Variants in KIF25 observed in about 807,000 individuals in gnomAD.
KIF25 encodes kinesin family member 25, also known as kinesin-like protein KIF25.
A neutral mutation model predicts 32.9 loss-of-function variants in KIF25; 19 were observed. The ratio of observed to expected loss-of-function variants is 0.58; its 90% CI spans 0.40 to 0.85. The LOEUF (loss-of-function observed/expected upper bound fraction) is 0.85. Ranked by LOEUF, KIF25 falls within the 40% of genes least tolerant of loss-of-function variation. The probability of loss-of-function intolerance (pLI) is 0.00; values close to 1 mark genes in which losing one functional copy is unlikely to be tolerated. For missense variants in KIF25, 485 were observed against 507.0 expected, an observed-to-expected ratio of 0.96 and a Z score of 0.42; for synonymous variants, 225 against 213.7, an observed-to-expected ratio of 1.05 and a Z score of -0.46.
At chr6:168,003,246 G>A (rs547114487) in intron 3 of KIF25, among the ~76,000 whole-genome samples, 5 of 152,210 alleles carry the variant, frequency 3.3e-5, no homozygotes, top group South Asian at 4.1e-4. Context: ...AAGAACAGGG[G>A]TATTGGAGTA....
intron 4 of KIF25, among the ~76,000 whole-genome samples, chr6:168,012,103 A>T (rs183979160): frequency 1.3e-5 from 2 of 152,020 alleles, no homozygotes; most frequent in East Asian, 3.9e-4. Context: ...TTCTATGTTC[A>T]TTGAATTGTC....
intron 4 of KIF25, among the ~76,000 whole-genome samples, chr6:168,009,816 A>G (rs1255241410): frequency 6.6e-6 from 1 of 152,058 alleles, no homozygotes; most frequent in Non-Finnish European, 1.5e-5. Context: ...ATATGTATCC[A>G]GGAATTTATC....
chr6:168,030,409 C>CCTCT (rs139317809), intron 6 of KIF25: 18,021 of 155,016 alleles, frequency 0.12, 1,517 homozygotes, highest in East Asian at 0.22. Flanking sequence ...TCCCTCTGTC[C>CCTCT]CTCTCTCTCT....
chr6:168,004,804 C>T (rs1798555830), intron 4 of KIF25, among the ~76,000 whole-genome samples: 1 of 152,154 alleles, frequency 6.6e-6, no homozygotes. Flanking sequence ...CGCAGCTTCC[C>T]TGAAGTTGGG....
At chr6:168,007,166 T>C (rs1798590618) in intron 4 of KIF25, among the ~76,000 whole-genome samples, 1 of 152,286 alleles carries the variant, frequency 6.6e-6, no homozygotes, top group South Asian at 2.1e-4. Flanking sequence ...ATCCTAGCAC[T>C]TTGGGAGGCC....
At chr6:168,005,122 G>A (rs1391264495) in intron 4 of KIF25, among the ~76,000 whole-genome samples, 1 of 152,072 alleles carries the variant, frequency 6.6e-6, no homozygotes, top group African/African-American at 2.4e-5. Flanking sequence ...TGGCGTGCAC[G>A]AGCCGACTGT....
At position 167,998,850 on chromosome 6, in the gene KIF25, G is replaced by C. The variant is rs966169206; in HGVS notation, c.-619G>C. ...GCGCATTACCTGAGGTCAGGAGTTC[G>C]AGACCAGCTTGGCCAACATGGTAAA... On this transcript the variant is annotated 5_prime_UTR_variant, in exon 1 of 13. Transcript: ENST00000643607. 6.6e-6 allele frequency: 1 copy of C among 152,160 alleles called. No individual in the cohort carries two copies. The highest frequency in any genetic ancestry group is 1.5e-5 in the Non-Finnish European group (1 of 68,034). 9.4% of individuals were successfully genotyped at this position (152,160 alleles called of 1,614,324 possible).
chr6:168,005,411 C>T (rs1488550678), intron 4 of KIF25, among the ~76,000 whole-genome samples: 1 of 152,112 alleles, frequency 6.6e-6, no homozygotes, highest in African/African-American at 2.4e-5. Context: ...TGGGCAGAGG[C>T]CACTGTGGAC....
At chr6:168,024,167 A>G (rs377748384) in intron 5 of KIF25, among the ~76,000 whole-genome samples, 48 of 152,378 alleles carry the variant, frequency 3.2e-4, no homozygotes, top group Admixed American at 9.8e-4. Context: ...ATGTCTGTGC[A>G]CTAAAAACAG....
chr6:168,035,267 G>A (rs1215795088), intron 8 of KIF25, among the ~76,000 whole-genome samples: 1 of 151,462 alleles, frequency 6.6e-6, no homozygotes, highest in Non-Finnish European at 1.5e-5. Flanking sequence ...TGTGAGCTGC[G>A]TGCGTGCTTC....
chr6:168,043,468 C>T (rs548753303), intron 12 of KIF25, among the ~76,000 whole-genome samples: 4 of 152,250 alleles, frequency 2.6e-5, no homozygotes, highest in South Asian at 2.1e-4. Flanking sequence ...CGCTGGTGCT[C>T]GGGACTCGGG....
intron 8 of KIF25, among the ~76,000 whole-genome samples, chr6:168,034,310 G>C (rs961776313): frequency 6.6e-6 from 1 of 152,172 alleles, no homozygotes; most frequent in Non-Finnish European, 1.5e-5. Context: ...CCAGGCTGGA[G>C]TGCAATAGTG....
At chr6:168,040,575 AG>A (rs200700738) in intron 10 of KIF25, among the ~76,000 whole-genome samples, 4,601 of 148,550 alleles carry the variant, frequency 0.031, 242 homozygotes, top group African/African-American at 0.11. Context: ...AAAAAAAAAA[AG>A]AAGAAGAAGA....
At chr6:168,031,780 C>A (rs936870338) in intron 7 of KIF25, among the ~76,000 whole-genome samples, 4 of 152,242 alleles carry the variant, frequency 2.6e-5, no homozygotes, top group African/African-American at 9.6e-5. Flanking sequence ...CAGGATAATG[C>A]GAAACAGATG....
At chr6:168,036,009 AC>A (rs1562390750) in intron 8 of KIF25, 3 of 308,758 alleles carry the variant, frequency 9.7e-6, no homozygotes, top group South Asian at 2.8e-5. Context: ...ATGATACAAA[AC>A]CACAATGACA....
rs1451937470 is a variant in KIF25 at position 167,998,285 on chromosome 6, T to G, written c.-1184T>G. The G allele has an allele frequency of 6.6e-6, 1 of 152,222 alleles. No individual in the cohort carries two copies. The allele number at this position is 152,222 out of a possible 1,614,324, so 9.4% of individuals were successfully genotyped here. On this transcript the variant is annotated 5_prime_UTR_variant, in exon 1 of 13. Coordinates refer to ENST00000643607, the MANE Select transcript of KIF25 (RefSeq NM_030615.4). ...GTGTTCCACCTCAAGCCTGGTCTCC[T>G]GGTCTAGCTGAGGAGCGTGCAGTGC...
chr6:168,010,286 C>CT (rs1293154485), intron 4 of KIF25, among the ~76,000 whole-genome samples: 5 of 151,370 alleles, frequency 3.3e-5, no homozygotes, highest in African/African-American at 1.2e-4. Context: ...AGAATTTTAA[C>CT]TTTTTTGCTG....
At chr6:168,026,261 C>T (rs888264337) in intron 5 of KIF25, among the ~76,000 whole-genome samples, 10 of 152,050 alleles carry the variant, frequency 6.6e-5, no homozygotes, top group Non-Finnish European at 1.0e-4. Context: ...CAGTTCATGC[C>T]GACACGTGTC....
intron 7 of KIF25, 102 bp downstream of exon 7, chr6:168,030,949 T>G (rs1170462206): frequency 1.1e-6 from 1 of 935,324 alleles, no homozygotes; most frequent in African/African-American, 1.7e-5. Context: ...AGTCTGAGCA[T>G]TCTACAGCAC....
Sources: gnomAD v4.1 joint callset for allele counts (sites outside exome capture counted in the v4.1 genomes callset) on GRCh38, gnomAD v4.1.1 for gene constraint, MANE v1.5 for transcripts, NCBI Gene and HGNC (gene_info 2026-07-23, HGNC 2026-07-21) for gene names.